Variants in SORCS3 observed in about 807,000 individuals in gnomAD.
SORCS3 encodes the protein sortilin related VPS10 domain containing receptor 3.
Under a neutral mutation model 146.3 loss-of-function variants are expected in SORCS3, and 57 were observed. The observed-to-expected ratio is 0.39, with a 90% confidence interval of 0.31 to 0.49. SORCS3 has a LOEUF of 0.49. SORCS3 is among the 20% of genes least tolerant of loss of function. The pLI, the probability that SORCS3 is intolerant of heterozygous loss-of-function variation, is 0.92. For missense variants in SORCS3, 1,341 were observed against 1,575.5 expected (o/e 0.85, Z 2.52); for synonymous variants, 653 against 618.5 (o/e 1.06, Z -0.83).
intron 16 of SORCS3, among the ~76,000 whole-genome samples, chr10:105,202,066 C>T (rs891527564): frequency 6.6e-6 from 1 of 152,146 alleles, no homozygotes; most frequent in Non-Finnish European, 1.5e-5. Context: ...TCACTTCTTT[C>T]CATCTCTCAG....
At chr10:104,807,805 G>T (rs2017695710) in intron 1 of SORCS3, among the ~76,000 whole-genome samples, 1 of 152,186 alleles carries the variant, frequency 6.6e-6, no homozygotes, top group Non-Finnish European at 1.5e-5. Context: ...CATAGAATGT[G>T]ATGCATGAGG....
At chr10:104,747,488 C>G (rs1052140727) in intron 1 of SORCS3, among the ~76,000 whole-genome samples, 7 of 152,178 alleles carry the variant, frequency 4.6e-5, no homozygotes, top group African/African-American at 1.4e-4. Context: ...GATAGACATA[C>G]TGATACTTCC....
intron 2 of SORCS3, among the ~76,000 whole-genome samples, chr10:104,913,463 A>G (rs547591741): frequency 4.5e-4 from 68 of 152,314 alleles, no homozygotes; most frequent in Admixed American, 1.0e-3. Flanking sequence ...GTCAGAGAAT[A>G]AGTCAGCTTT....
intron 3 of SORCS3, among the ~76,000 whole-genome samples, chr10:104,940,285 C>T (rs1245197590): frequency 7.6e-6 from 1 of 132,108 alleles, no homozygotes; most frequent in Non-Finnish European, 1.6e-5. Context: ...GGTACATGTG[C>T]ACAATGTGCA....
At chr10:105,214,700 C>A in intron 18 of SORCS3, 87 bp downstream of exon 18, 1 of 1,270,412 alleles carries the variant, frequency 7.9e-7, no homozygotes. Context: ...TTCCCACAGA[C>A]CCCTGCACCA....
chr10:104,862,348 G>A (rs1466104935), intron 2 of SORCS3, among the ~76,000 whole-genome samples: 2 of 152,212 alleles, frequency 1.3e-5, no homozygotes, highest in African/African-American at 4.8e-5. Context: ...GTGGCCCAGA[G>A]TGTGGGAGGT....
In SORCS3 at chr10:105,217,073, A is replaced by G. The variant is rs745425257; in HGVS notation, c.2685A>G (p.Ala895=). ...SAGIFQVTAY[A]ENNLGSDTAV... Reference sequence around the variant, plus strand: ...GGATCTTCCAGGTGACAGCCTATGCAGAGAACAACCTTGGCTCAGACACAG... The same window carrying G: ...GGATCTTCCAGGTGACAGCCTATGCGGAGAACAACCTTGGCTCAGACACAG... Residue 895 remains alanine, a synonymous_variant, in exon 19 of 27, where the codon GCA becomes GCG. Transcript: ENST00000369701. The G allele has an allele frequency of 1.2e-6, 2 of 1,614,200 alleles. No individual in the cohort carries two copies. Among genetic ancestry groups the G allele is most frequent in the East Asian group, 2.2e-5 (1 of 44,880 alleles).
intron 7 of SORCS3, among the ~76,000 whole-genome samples, chr10:105,113,116 C>T (rs1215560192): frequency 6.6e-6 from 1 of 152,120 alleles, no homozygotes; most frequent in African/African-American, 2.4e-5. Context: ...ATTAGGTTTC[C>T]TAATACTCCT....
intron 6 of SORCS3, among the ~76,000 whole-genome samples, chr10:105,096,039 G>T (rs1346905037): frequency 6.6e-6 from 1 of 151,310 alleles, no homozygotes; most frequent in Non-Finnish European, 1.5e-5. Flanking sequence ...CCTCTGTAAT[G>T]GAACACTCTT....
At chr10:105,214,356 T>A in intron 17 of SORCS3, 86 bp from the exon 18 acceptor site, 1 of 1,468,322 alleles carries the variant, frequency 6.8e-7, no homozygotes, top group Admixed American at 1.8e-5. Flanking sequence ...TCTCTTACAT[T>A]CCCTTTATAA....
chr10:105,154,465 C>T (rs185465792), intron 9 of SORCS3, among the ~76,000 whole-genome samples: 1 of 152,304 alleles, frequency 6.6e-6, no homozygotes, highest in Non-Finnish European at 1.5e-5. Context: ...CAAATTGATT[C>T]CCAGAGGGAA....
chr10:104,949,663 T>A (rs1422079342), intron 3 of SORCS3, among the ~76,000 whole-genome samples: 1 of 152,202 alleles, frequency 6.6e-6, no homozygotes, highest in African/African-American at 2.4e-5. Flanking sequence ...CTTTGTTCAT[T>A]GTGGTCATTT....
chr10:104,791,983 G>C (rs1331717828), intron 1 of SORCS3, among the ~76,000 whole-genome samples: 1 of 152,174 alleles, frequency 6.6e-6, no homozygotes, highest in Non-Finnish European at 1.5e-5. Flanking sequence ...GGTCATAGCT[G>C]ATATTTATGT....
chr10:104,999,610 T>C (rs535746874), intron 4 of SORCS3, among the ~76,000 whole-genome samples: 2 of 152,222 alleles, frequency 1.3e-5, no homozygotes, highest in East Asian at 1.9e-4. Flanking sequence ...CTTATGGAGG[T>C]TGAGCATCTC....
intron 1 of SORCS3, among the ~76,000 whole-genome samples, chr10:104,840,357 G>T (rs982420394): frequency 9.2e-5 from 14 of 152,112 alleles, no homozygotes; most frequent in African/African-American, 3.4e-4. Flanking sequence ...ATTAGTTTGG[G>T]TTTCACCCTT....
chr10:104,710,001 A>G (rs1429050075), intron 1 of SORCS3, among the ~76,000 whole-genome samples: 2 of 152,086 alleles, frequency 1.3e-5, no homozygotes, highest in Non-Finnish European at 2.9e-5. Flanking sequence ...ACTGCTGCCA[A>G]CACATCAGAT....
rs554762551 is a variant in SORCS3, at chr10:104,703,714, T to A, written c.627+61760T>A. 5.2e-4 allele frequency among the ~76,000 whole-genome samples: 74 copies of A among 142,536 alleles called. 1 individual carries two copies. Among genetic ancestry groups the A allele is most frequent in the African/African-American group, 1.8e-3 (63 of 34,798 alleles). The allele number at this position is 142,536 out of a possible 152,430, so 93.5% of individuals were successfully genotyped here. A position where few individuals can be genotyped will look rare whatever the true frequency, so the allele number is the denominator to read the frequency against. On this transcript the variant is annotated intron_variant, in intron 1 of 26. Transcript: ENST00000369701. Reference sequence around the variant, plus strand: ...GCACATTCTGCACATGTATCCTGTTTTTTTTTTTTTTTTTAAGAAGAAATG... The same window carrying A: ...GCACATTCTGCACATGTATCCTGTTATTTTTTTTTTTTTTAAGAAGAAATG...
intron 1 of SORCS3, chr10:104,664,566 G>T (rs2015744409): frequency 6.6e-6 from 1 of 152,170 alleles, no homozygotes; most frequent in Non-Finnish European, 1.5e-5. Context: ...ATTTCATTAA[G>T]GGGCCCTTGT....
intron 4 of SORCS3, among the ~76,000 whole-genome samples, chr10:105,001,891 A>G (rs534352039): frequency 2.0e-4 from 30 of 152,312 alleles, no homozygotes; most frequent in African/African-American, 7.0e-4. Context: ...TAGAGCATCC[A>G]AGTGACTCAA....
Sources: allele counts gnomAD v4.1 joint callset (sites outside exome capture counted in the v4.1 genomes callset), GRCh38; gene constraint gnomAD v4.1.1; transcripts MANE v1.5; gene names NCBI Gene and HGNC (gene_info 2026-07-23, HGNC 2026-07-21).